Variants in CCDC60 observed in about 807,000 individuals in gnomAD.
The protein encoded by CCDC60 is coiled-coil domain containing 60.
Under a neutral mutation model 63.5 loss-of-function variants are expected in CCDC60, and 54 were observed. The observed-to-expected ratio is 0.85, with a 90% CI of 0.68 to 1.07. The LOEUF (loss-of-function observed/expected upper bound fraction) is 1.07. Ranked by LOEUF, CCDC60 falls within the 50% of genes least tolerant of loss-of-function variation. CCDC60 has a pLI of 0.00. For synonymous variants in CCDC60, 206 were observed against 238.8 expected, an observed-to-expected ratio of 0.86 and a Z score of 1.27; for missense variants, 651 against 684.3, an observed-to-expected ratio of 0.95 and a Z score of 0.54.
At chr12:119,452,251 G>C (rs1318521342) in intron 2 of CCDC60, among the ~76,000 whole-genome samples, 1 of 152,196 alleles carries the variant, frequency 6.6e-6, no homozygotes, top group South Asian at 2.1e-4. Context: ...GTGATTAGGT[G>C]AAAAGAACCA....
At chr12:119,391,346 G>C (rs1402972678) in intron 1 of CCDC60, among the ~76,000 whole-genome samples, 1 of 152,224 alleles carries the variant, frequency 6.6e-6, no homozygotes, top group Non-Finnish European at 1.5e-5. Flanking sequence ...CTGAGCTGCA[G>C]ATCCTGAGGA....
At chr12:119,435,064 G>A (rs1484568906) in intron 2 of CCDC60, among the ~76,000 whole-genome samples, 1 of 152,186 alleles carries the variant, frequency 6.6e-6, no homozygotes, top group Admixed American at 6.5e-5. Flanking sequence ...TTCCTTTGGA[G>A]GTAGAGCCAC....
chr12:119,380,335 G>A (rs548078805), intron 1 of CCDC60, among the ~76,000 whole-genome samples: 1 of 152,332 alleles, frequency 6.6e-6, no homozygotes, highest in Admixed American at 6.5e-5. Context: ...CAGCCATGAT[G>A]GGAATATTTA....
chr12:119,529,941 A>G (rs1952790911), intron 12 of CCDC60, among the ~76,000 whole-genome samples: 1 of 152,190 alleles, frequency 6.6e-6, no homozygotes. Context: ...CATTAAAATC[A>G]AGTCAAACAA....
At chr12:119,343,660 C>CTATATATATA (rs60934414) in intron 1 of CCDC60, among the ~76,000 whole-genome samples, 83 of 141,102 alleles carry the variant, frequency 5.9e-4, no homozygotes, top group African/African-American at 2.0e-3. Flanking sequence ...GAAAGGCAAA[C>CTATATATATA]TATATATATA....
At chr12:119,522,880 G>A in intron 9 of CCDC60, 59 bp from the exon 10 acceptor site, 2 of 1,513,644 alleles carry the variant, frequency 1.3e-6, no homozygotes, top group Non-Finnish European at 1.8e-6. Flanking sequence ...AGCACTGGGG[G>A]CACCCTTTTC....
At chr12:119,366,782 C>T (rs1038485459) in intron 1 of CCDC60, among the ~76,000 whole-genome samples, 6 of 152,216 alleles carry the variant, frequency 3.9e-5, no homozygotes, top group Middle Eastern at 3.4e-3. Flanking sequence ...GGGATCAAGA[C>T]GAGCCAGAGG....
chr12:119,454,758 C>T (rs1950693873), intron 2 of CCDC60, among the ~76,000 whole-genome samples: 2 of 152,178 alleles, frequency 1.3e-5, no homozygotes, highest in Non-Finnish European at 2.9e-5. Flanking sequence ...ATCACTATGG[C>T]TTAAACAAAA....
chr12:119,348,610 C>T (rs1955621460), intron 1 of CCDC60, among the ~76,000 whole-genome samples: 3 of 152,138 alleles, frequency 2.0e-5, no homozygotes, highest in Non-Finnish European at 2.9e-5. Context: ...AATAGAATCT[C>T]GTGAAGATTC....
chr12:119,524,382 G>T (rs919732108), intron 11 of CCDC60: 2 of 920,088 alleles, frequency 2.2e-6, no homozygotes, highest in Non-Finnish European at 2.6e-6. Flanking sequence ...AATAACTTCT[G>T]CCCTTTCTAG....
At chr12:119,479,574 C>A in intron 4 of CCDC60, 1 of 207,724 alleles carries the variant, frequency 4.8e-6, no homozygotes, top group Non-Finnish European at 9.7e-6. Flanking sequence ...CCAGAGAAGC[C>A]CATCCAGTTT....
chr12:119,473,799 G>A (rs981260092), intron 3 of CCDC60, among the ~76,000 whole-genome samples: 3 of 152,208 alleles, frequency 2.0e-5, no homozygotes, highest in African/African-American at 7.2e-5. Flanking sequence ...TTCTTTTTAT[G>A]GCTGAGCAGT....
rs558650838 is a variant in CCDC60, at chr12:119,449,101, C to T, written c.170+20339C>T. ...GGGGGGCAGGCAGGATGCTGTGTGG[C>T]CTGAGGGTCTATGTGTATGTGTATG... On this transcript the variant is annotated intron_variant, in intron 2 of 13. Transcript: ENST00000327554. 2.0e-5 allele frequency among the ~76,000 whole-genome samples: 3 copies of T among 152,156 alleles called. No individual in the cohort carries two copies. The South Asian group carries it at 6.2e-4, about 32-fold the overall frequency.
In CCDC60 at chr12:119,428,664, C is replaced by T. The variant is rs1189820944; in HGVS notation, c.91-19C>T. The T allele has an allele frequency of 1.3e-6, 2 of 1,528,526 alleles. No individual in the cohort carries two copies. Among genetic ancestry groups the T allele is most frequent in the African/African-American group, 1.4e-5 (1 of 73,602 alleles). 94.7% of individuals were successfully genotyped at this position (1,528,526 alleles called of 1,614,324 possible). ...TGTATTAACACTCCTTTTATTTTAA[C>T]CCCTTGTCTTCTCATCAGGTCCCAG... is the stretch of plus-strand genomic sequence containing the variant. On this transcript the variant is annotated intron_variant, in intron 1 of 13. Transcript: ENST00000327554.
chr12:119,444,054 G>A (rs941490120), intron 2 of CCDC60, among the ~76,000 whole-genome samples: 5 of 152,202 alleles, frequency 3.3e-5, no homozygotes, highest in African/African-American at 9.7e-5. Context: ...CTGCAGGTGA[G>A]ATTTTCTTAT....
chr12:119,496,957 G>A (rs1356656092), intron 5 of CCDC60, among the ~76,000 whole-genome samples: 1 of 152,140 alleles, frequency 6.6e-6, no homozygotes, highest in Admixed American at 6.5e-5. Flanking sequence ...AATCTCAGCA[G>A]TTTAAGGCAA....
At chr12:119,522,054 C>G (rs1290376645) in intron 9 of CCDC60, among the ~76,000 whole-genome samples, 1 of 152,144 alleles carries the variant, frequency 6.6e-6, no homozygotes, top group Non-Finnish European at 1.5e-5. Context: ...CTAAAGAAGT[C>G]CCAAATGCCA....
intron 6 of CCDC60, among the ~76,000 whole-genome samples, chr12:119,502,516 T>A (rs1036729335): frequency 1.3e-5 from 2 of 152,324 alleles, no homozygotes; most frequent in Non-Finnish European, 2.9e-5. Context: ...TTCAGTTCAA[T>A]AAAAGGCAAG....
At chr12:119,463,819 A>G (rs78825871) in intron 2 of CCDC60, among the ~76,000 whole-genome samples, 4,307 of 152,326 alleles carry the variant, frequency 0.028, 195 homozygotes, top group African/African-American at 0.097. Context: ...GTTATTAGAA[A>G]TGAGCTTCTT....
Sources: gnomAD v4.1 joint callset for allele counts (sites outside exome capture counted in the v4.1 genomes callset) on GRCh38, gnomAD v4.1.1 for gene constraint, MANE v1.5 for transcripts, NCBI Gene and HGNC (gene_info 2026-07-23, HGNC 2026-07-21) for gene names.